The following PCDHGB4 variants were observed in gnomAD, a reference collection of about 807,000 sequenced individuals.
PCDHGB4 encodes protocadherin gamma-B4.
Under a neutral mutation model 60.5 loss-of-function variants are expected in PCDHGB4, and 38 were observed. The ratio of observed to expected loss-of-function variants is 0.63; its 90% CI spans 0.48 to 0.82. PCDHGB4 has a LOEUF of 0.82. Ranked by LOEUF, PCDHGB4 falls within the 40% of genes least tolerant of loss-of-function variation. PCDHGB4 has a pLI of 0.00. For synonymous variants in PCDHGB4, 456 were observed against 509.7 expected (o/e 0.89, Z 1.42); for missense variants, 1,109 against 1,209.6 (o/e 0.92, Z 1.23).
chr5:141,437,074 A>G (rs1455066447), intron 1 of PCDHGB4, among the ~76,000 whole-genome samples: 1 of 152,250 alleles, frequency 6.6e-6, no homozygotes, highest in Non-Finnish European at 1.5e-5. Flanking sequence ...GGTTTGGGCC[A>G]TATAAGAATT....
intron 1 of PCDHGB4, chr5:141,423,756 GGGGGT>G: frequency 1.1e-5 from 5 of 448,566 alleles, no homozygotes; most frequent in African/African-American, 2.8e-5. Context: ...TGTTTGGGGG[GGGGGT>G]GGGGCGGCAT....
intron 1 of PCDHGB4, among the ~76,000 whole-genome samples, chr5:141,468,165 A>T (rs1249592462): frequency 1.3e-5 from 2 of 151,940 alleles, no homozygotes; most frequent in Non-Finnish European, 2.9e-5. Flanking sequence ...TCTCTGCTAA[A>T]AATAGAAAAA....
intron 1 of PCDHGB4, chr5:141,405,167 C>T (rs926303279): frequency 7.4e-6 from 12 of 1,614,002 alleles, no homozygotes; most frequent in African/African-American, 1.3e-5. Flanking sequence ...GCCCACCTCA[C>T]ACTTTGTGGG....
intron 1 of PCDHGB4, among the ~76,000 whole-genome samples, chr5:141,407,816 ATAT>A (rs1270765996): frequency 6.6e-6 from 1 of 152,228 alleles, no homozygotes; most frequent in Non-Finnish European, 1.5e-5. Context: ...ATCTACTATA[ATAT>A]TATGGTGAGA....
intron 1 of PCDHGB4, chr5:141,478,076 C>A: frequency 6.2e-7 from 1 of 1,614,106 alleles, no homozygotes. Context: ...CAATGGGGAG[C>A]CTTCGCTCTC....
chr5:141,400,591 C>A, intron 1 of PCDHGB4: 1 of 1,602,976 alleles, frequency 6.2e-7, no homozygotes, highest in Non-Finnish European at 8.5e-7. Flanking sequence ...ATGAAACTAT[C>A]GTACATTTTC....
intron 1 of PCDHGB4, chr5:141,441,982 G>T: frequency 3.6e-6 from 1 of 277,096 alleles, no homozygotes; most frequent in South Asian, 3.6e-5. Flanking sequence ...CCTGGAATGC[G>T]CACCGACGAG....
chr5:141,399,336 T>C, intron 1 of PCDHGB4: 2 of 1,613,976 alleles, frequency 1.2e-6, no homozygotes, highest in Non-Finnish European at 1.7e-6. Context: ...TGGTAACAGA[T>C]GGAACCCTAG....
intron 1 of PCDHGB4, chr5:141,395,206 A>G (rs773754361): frequency 1.2e-6 from 2 of 1,613,736 alleles, no homozygotes; most frequent in South Asian, 1.1e-5. Context: ...GTAGATTTTC[A>G]TGAATATAAG....
intron 1 of PCDHGB4, among the ~76,000 whole-genome samples, chr5:141,449,674 TA>T (rs2154562752): frequency 6.6e-6 from 1 of 151,604 alleles, no homozygotes; most frequent in African/African-American, 2.4e-5. Context: ...AGTGTGTATG[TA>T]TATATGTTTG....
intron 1 of PCDHGB4, chr5:141,409,578 T>A: frequency 6.2e-7 from 1 of 1,613,942 alleles, no homozygotes. Context: ...TCCTACGTGG[T>A]CCACGTGGCC....
At position 141,486,765 on chromosome 5, in the gene PCDHGB4, T is replaced by C; in HGVS notation, c.2398-8042T>C. On this transcript the variant is annotated intron_variant, in intron 1 of 3. Transcript: ENST00000519479. This position sits in a 1 kb window ranked among gnomAD's most constrained non-coding sequence, Gnocchi z 5.0. ...TTTGACTATGAGCAAACCCAGACACTGCAGTTTGAGGTGCAGGCCCGGGAT... is the reference window on the plus strand; with the variant it reads ...TTTGACTATGAGCAAACCCAGACACCGCAGTTTGAGGTGCAGGCCCGGGAT... 4 of 1,614,230 alleles carry C rather than the reference T, an allele frequency of 2.5e-6. No individual in the cohort carries two copies. Among genetic ancestry groups the C allele is most frequent in the Non-Finnish European group, 3.4e-6 (4 of 1,180,038 alleles).
intron 1 of PCDHGB4, chr5:141,433,012 G>A (rs1402902269): frequency 2.5e-6 from 4 of 1,614,054 alleles, no homozygotes; most frequent in Non-Finnish European, 3.4e-6. Flanking sequence ...CTTTCCTGCA[G>A]ACCTATTCCC....
chr5:141,402,223 T>C (rs1329025694), intron 1 of PCDHGB4, among the ~76,000 whole-genome samples: 1 of 152,054 alleles, frequency 6.6e-6, no homozygotes, highest in Non-Finnish European at 1.5e-5. Context: ...AAATAAACGT[T>C]TTTCCAGGAA....
chr5:141,477,502 C>A lies in PCDHGB4; in HGVS notation c.2398-17305C>A, dbSNP rs2099412065. On this transcript the variant is annotated intron_variant, in intron 1 of 3. Coordinates refer to ENST00000519479, the MANE Select transcript of PCDHGB4 (RefSeq NM_003736.4). This position sits in a 1 kb window ranked among gnomAD's most constrained non-coding sequence, Gnocchi z 4.9. ...CTCCACAATCTTCTCAATCTTCCTA[C>A]GACGTTTACATTGAAGAAAACAACC... The A allele has an allele frequency of 9.3e-6, 15 of 1,614,026 alleles. No homozygotes were observed. The highest frequency in any genetic ancestry group is 1.3e-5 in the Non-Finnish European group (15 of 1,180,026).
intron 1 of PCDHGB4, among the ~76,000 whole-genome samples, chr5:141,437,777 C>T (rs998490046): frequency 2.0e-5 from 3 of 148,970 alleles, no homozygotes; most frequent in Admixed American, 6.7e-5. Context: ...CTCAATCTGT[C>T]GCCAAGCTGG....
intron 1 of PCDHGB4, among the ~76,000 whole-genome samples, chr5:141,458,726 C>T (rs1301761231): frequency 1.3e-5 from 2 of 151,992 alleles, no homozygotes; most frequent in African/African-American, 4.8e-5. Flanking sequence ...TTCGCCACCA[C>T]ATCCAGCTAT....
chr5:141,398,866 T>C, intron 1 of PCDHGB4: 1 of 1,613,962 alleles, frequency 6.2e-7, no homozygotes, highest in Non-Finnish European at 8.5e-7. Flanking sequence ...CCGAGACGTG[T>C]ACAGAGTCAG....
chr5:141,427,971 C>T (rs764145525), intron 1 of PCDHGB4: 1 of 1,593,512 alleles, frequency 6.3e-7, no homozygotes, highest in African/African-American at 1.3e-5. Flanking sequence ...GGTGCTGTAC[C>T]CCGCGCTGGG....
Sources: gnomAD v4.1 joint callset for allele counts (sites outside exome capture counted in the v4.1 genomes callset) on GRCh38, gnomAD v4.1.1 for gene constraint, Gnocchi (gnomAD v3.1) non-coding constraint, MANE v1.5 for transcripts, NCBI Gene and HGNC (gene_info 2026-07-23, HGNC 2026-07-21) for gene names.